The following CADPS variants were observed in gnomAD, a reference collection of about 807,000 sequenced individuals.
The protein encoded by CADPS is calcium-dependent secretion activator 1.
CADPS carries 57 observed loss-of-function variants against 167.3 expected under a neutral mutation model. The observed-to-expected ratio is 0.34, with a 90% CI of 0.28 to 0.42. The LOEUF (loss-of-function observed/expected upper bound fraction) is 0.42, where lower values mean the gene tolerates loss of function less well. Ranked by LOEUF, CADPS falls within the 20% of genes least tolerant of loss-of-function variation. CADPS has a pLI of 1.00. For synonymous variants in CADPS, 676 were observed against 635.3 expected, an observed-to-expected ratio of 1.06 and a Z score of -0.96; for missense variants, 1,414 against 1,738.1, an observed-to-expected ratio of 0.81 and a Z score of 3.32.
At chr3:62,797,397 T>C (rs2152778798) in intron 1 of CADPS, among the ~76,000 whole-genome samples, 1 of 152,258 alleles carries the variant, frequency 6.6e-6, no homozygotes, top group Admixed American at 6.5e-5. Context: ...AAATATTTAA[T>C]GAATAATGAA....
chr3:62,834,091 T>C (rs116442966), intron 1 of CADPS, among the ~76,000 whole-genome samples: 3,487 of 152,234 alleles, frequency 0.023, 62 homozygotes, highest in South Asian at 0.054. Context: ...AAGAAAATCA[T>C]GCGTATCAGT....
intron 1 of CADPS, among the ~76,000 whole-genome samples, chr3:62,848,072 GTCT>G (rs1271674123): frequency 7.5e-6 from 1 of 134,120 alleles, no homozygotes. Context: ...CTGCATAAAT[GTCT>G]TCTTTAGAGA....
intron 6 of CADPS, among the ~76,000 whole-genome samples, chr3:62,629,753 T>C (rs2064892273): frequency 6.6e-6 from 1 of 151,608 alleles, no homozygotes; most frequent in South Asian, 2.1e-4. Flanking sequence ...CAGACTCTGG[T>C]ACAGTTTTTT....
chr3:62,583,114 C>A (rs968436113), intron 8 of CADPS, among the ~76,000 whole-genome samples: 5 of 151,186 alleles, frequency 3.3e-5, no homozygotes, highest in Non-Finnish European at 5.9e-5. Flanking sequence ...CATTCATATT[C>A]TGTTCTTTAT....
chr3:62,563,311 T>C (rs1273689053), intron 9 of CADPS, among the ~76,000 whole-genome samples: 1 of 152,232 alleles, frequency 6.6e-6, no homozygotes, highest in Non-Finnish European at 1.5e-5. Flanking sequence ...AATTCATTTT[T>C]GTGGTTAACT....
intron 4 of CADPS, among the ~76,000 whole-genome samples, chr3:62,661,412 G>T (rs1324665900): frequency 6.6e-6 from 1 of 152,166 alleles, no homozygotes; most frequent in East Asian, 1.9e-4. Flanking sequence ...TCCAGGTTGA[G>T]ACACCAGTGG....
At position 62,518,133 on chromosome 3, in the gene CADPS, A is replaced by T. The variant is rs369525471; in HGVS notation, c.2393+16T>A. 2.0e-4 allele frequency: 322 copies of T among 1,578,594 alleles called. No homozygotes were observed. The highest frequency in any genetic ancestry group is 2.7e-4 in the Non-Finnish European group (314 of 1,149,678). On this transcript the variant is annotated intron_variant, in intron 14 of 29. Coordinates refer to ENST00000383710, the MANE Select transcript of CADPS (RefSeq NM_003716.4). ...TCTCATCTCCTAATTAAAGCTCTCCAGCCCCAGATCCTTACCTAAAATGTG... is the reference window on the plus strand; with the variant it reads ...TCTCATCTCCTAATTAAAGCTCTCCTGCCCCAGATCCTTACCTAAAATGTG...
At chr3:62,792,500 A>C (rs2093037867) in intron 1 of CADPS, among the ~76,000 whole-genome samples, 1 of 151,986 alleles carries the variant, frequency 6.6e-6, no homozygotes, top group Non-Finnish European at 1.5e-5. Context: ...CATTGTGCCC[A>C]GCCTTGTTTA....
intron 4 of CADPS, among the ~76,000 whole-genome samples, chr3:62,655,999 C>T (rs993879815): frequency 3.3e-5 from 5 of 152,224 alleles, no homozygotes; most frequent in African/African-American, 7.2e-5. Context: ...GAAACGGACT[C>T]GACCCTGAAT....
At chr3:62,417,935 C>G (rs182661183) in intron 28 of CADPS, among the ~76,000 whole-genome samples, 120 of 151,850 alleles carry the variant, frequency 7.9e-4, no homozygotes, top group Non-Finnish European at 1.4e-3. Flanking sequence ...GAGTTTGAGG[C>G]GGGAGGATCA....
intron 3 of CADPS, among the ~76,000 whole-genome samples, chr3:62,719,929 C>G (rs1472741594): frequency 6.6e-6 from 1 of 152,182 alleles, no homozygotes; most frequent in African/African-American, 2.4e-5. Flanking sequence ...GCTGTATTTT[C>G]TGGTGAAAGA....
chr3:62,670,166 A>C (rs2075261477), intron 3 of CADPS, among the ~76,000 whole-genome samples: 1 of 152,182 alleles, frequency 6.6e-6, no homozygotes, highest in African/African-American at 2.4e-5. Flanking sequence ...GGACTATTGT[A>C]ATGATGACAA....
chr3:62,557,479 C>A lies in CADPS; in HGVS notation c.1679G>T (p.Arg560Leu), dbSNP rs749507974. The change falls in exon 10 of 30, where the codon CGG becomes CTG. Residue 560 changes from arginine (R) to leucine (L), a missense_variant. By Grantham distance (102) the Arg-to-Leu change is moderately radical. Coordinates refer to ENST00000383710, the MANE Select transcript of CADPS (RefSeq NM_003716.4). Reference protein sequence around the residue: ...SQYTFAMCSYREKKAEPQELL... With the variant: ...SQYTFAMCSYLEKKAEPQELL... ...TTCCTGAGGCTCCGCTTTCTTCTCC[C>A]GATAACTGCACATGGCAAACGTGTA... 1 of 1,613,974 alleles carries A rather than the reference C, an allele frequency of 6.2e-7. No individual in the cohort carries two copies. Among genetic ancestry groups the A allele is most frequent in the South Asian group, 1.1e-5 (1 of 91,064 alleles).
chr3:62,569,833 G>A (rs958905154), intron 9 of CADPS, among the ~76,000 whole-genome samples: 1 of 152,078 alleles, frequency 6.6e-6, no homozygotes, highest in African/African-American at 2.4e-5. Context: ...ATGCTCTGGT[G>A]GAGTCTGAAA....
Position 62,753,561 on chromosome 3 carries a change from G to A in CADPS, c.768C>T (p.Ala256=), listed in dbSNP as rs1284833897. 2.5e-6 allele frequency: 4 copies of A among 1,613,890 alleles called. No individual in the cohort carries two copies. The highest frequency in any genetic ancestry group is 3.3e-5 in the Admixed American group (2 of 59,970). Residue 256 remains alanine (A), a synonymous_variant, in exon 3 of 30, where the codon GCC becomes GCT. Transcript: ENST00000383710. The surrounding 1 kb of genome is among the most constrained non-coding windows in gnomAD (Gnocchi z 4.6). ...CGGAGGCTGCGCTGGCTGTCATCCGGGCCTGCTGCTTCCGCGGGTCCTCTT... is the reference window on the plus strand; with the variant it reads ...CGGAGGCTGCGCTGGCTGTCATCCGAGCCTGCTGCTTCCGCGGGTCCTCTT... ...RGEEDPRKQQ[A]RMTASAASEL...
intron 18 of CADPS, among the ~76,000 whole-genome samples, chr3:62,494,900 T>C (rs2064421335): frequency 6.6e-6 from 1 of 152,010 alleles, no homozygotes; most frequent in Non-Finnish European, 1.5e-5. Flanking sequence ...TGGCCTCAGC[T>C]GGTCCACCTG....
At chr3:62,862,102 T>C (rs2080906857) in intron 1 of CADPS, among the ~76,000 whole-genome samples, 1 of 151,866 alleles carries the variant, frequency 6.6e-6, no homozygotes, top group Admixed American at 6.6e-5. Flanking sequence ...CTTCAAAATG[T>C]AGGAATAAAC....
Position 62,536,555 on chromosome 3 carries a change from T to C in CADPS, c.1993A>G (p.Met665Val). ...GGGTTGGAAGAGATAAATTCATCCA[T>C]GCCATGTTTTTGAGCTCTATCTGCG... The part of the protein sequence containing the change: ...FYADRAQKHG[M>V]DEFISSNPCN... The change falls in exon 12 of 30, where the codon ATG becomes GTG. Residue 665 changes from methionine (M) to valine (V), a missense_variant. By Grantham distance (21) the Met-to-Val change is conservative. Coordinates refer to ENST00000383710, the MANE Select transcript of CADPS (RefSeq NM_003716.4). 1.2e-6 allele frequency: 2 copies of C among 1,613,464 alleles called. No individual in the cohort carries two copies. The highest frequency in any genetic ancestry group is 2.2e-5 in the South Asian group (2 of 91,062).
chr3:62,711,256 A>G (rs1399666771), intron 3 of CADPS, among the ~76,000 whole-genome samples: 1 of 152,222 alleles, frequency 6.6e-6, no homozygotes, highest in East Asian at 1.9e-4. Flanking sequence ...ATCTAGCAAC[A>G]AACCTAATAT....
Sources: allele counts gnomAD v4.1 joint callset (sites outside exome capture counted in the v4.1 genomes callset), GRCh38; gene constraint gnomAD v4.1.1; non-coding constraint Gnocchi (gnomAD v3.1); transcripts MANE v1.5; gene names NCBI Gene and HGNC (gene_info 2026-07-23, HGNC 2026-07-21).